The following ADGRB3 variants were observed in gnomAD, a reference collection of about 807,000 sequenced individuals.
ADGRB3 encodes the protein adhesion G protein-coupled receptor B3.
ADGRB3 carries 37 observed loss-of-function variants against 193.4 expected under a neutral mutation model. That is an observed-to-expected ratio of 0.19 (90% CI 0.15 to 0.25). The LOEUF (loss-of-function observed/expected upper bound fraction) is 0.25, where lower values mean the gene tolerates loss of function less well. ADGRB3 is among the 10% of genes least tolerant of loss of function. The pLI is 1.00. For synonymous variants in ADGRB3, 690 were observed against 644.2 expected (o/e 1.07, Z -1.08); for missense variants, 1,637 against 1,852.9 (o/e 0.88, Z 2.14).
chr6:69,312,804 C>T (rs535685746), intron 20 of ADGRB3, among the ~76,000 whole-genome samples: 2 of 151,750 alleles, frequency 1.3e-5, no homozygotes, highest in Non-Finnish European at 2.9e-5. Flanking sequence ...TTATAGATTA[C>T]ACACATGAAT....
At chr6:69,140,464 A>G (rs1400474730) in intron 17 of ADGRB3, among the ~76,000 whole-genome samples, 3 of 152,200 alleles carry the variant, frequency 2.0e-5, no homozygotes, top group African/African-American at 7.2e-5. Flanking sequence ...GGTAGAGAGT[A>G]GAATGATGAT....
intron 11 of ADGRB3, among the ~76,000 whole-genome samples, chr6:69,004,517 A>G (rs1334392208): frequency 1.3e-5 from 2 of 150,930 alleles, no homozygotes; most frequent in Non-Finnish European, 3.0e-5. Context: ...GCACCCATTA[A>G]CTAGTCATTT....
intron 10 of ADGRB3, among the ~76,000 whole-genome samples, chr6:68,985,920 C>T (rs1324027742): frequency 6.6e-6 from 1 of 152,214 alleles, no homozygotes; most frequent in Non-Finnish European, 1.5e-5. Context: ...TCTGTGGCCA[C>T]TATACTGTTT....
In ADGRB3 at chr6:69,056,716, G is replaced by GT. The variant is rs1404388329; in HGVS notation, c.2334-6217dup. Among the ~76,000 whole-genome samples the GT allele has an allele frequency of 4.6e-5, 7 of 152,148 alleles. No individual in the cohort carries two copies. The East Asian group carries it at 1.4e-3, about 29-fold the overall frequency. On this transcript the variant is annotated intron_variant, in intron 15 of 31. Transcript: ENST00000370598. ...GAAGAGATTATCCTTTTCTCATTGT[G>GT]TAGCCTTAGCACCCTTGTCGAGGAT...
chr6:68,787,739 C>T (rs968469321), intron 3 of ADGRB3, among the ~76,000 whole-genome samples: 2 of 152,160 alleles, frequency 1.3e-5, no homozygotes, highest in East Asian at 1.9e-4. Context: ...CTACCAGCTC[C>T]TATTTGTACC....
At chr6:69,131,431 A>T (rs764569361) in intron 17 of ADGRB3, among the ~76,000 whole-genome samples, 1 of 151,924 alleles carries the variant, frequency 6.6e-6, no homozygotes, top group Non-Finnish European at 1.5e-5. Flanking sequence ...ACCTATCTCA[A>T]GTTTTTGGGG....
chr6:69,031,299 G>T (rs956411685), intron 13 of ADGRB3, among the ~76,000 whole-genome samples: 20 of 151,496 alleles, frequency 1.3e-4, no homozygotes, highest in African/African-American at 4.8e-4. Flanking sequence ...ATTTAACCGG[G>T]CGCAGTGGTT....
At chr6:68,878,007 A>G (rs1319913567) in intron 3 of ADGRB3, among the ~76,000 whole-genome samples, 1 of 152,144 alleles carries the variant, frequency 6.6e-6, no homozygotes, top group Admixed American at 6.5e-5. Flanking sequence ...TTAATGGAAT[A>G]TGAGTGCTTA....
At chr6:69,074,306 T>C (rs191251330) in intron 16 of ADGRB3, among the ~76,000 whole-genome samples, 1 of 152,288 alleles carries the variant, frequency 6.6e-6, no homozygotes, top group African/African-American at 2.4e-5. Context: ...ACAGTAAGCT[T>C]ACTATTTATT....
At chr6:69,239,587 T>C (rs1435852920) in intron 20 of ADGRB3, among the ~76,000 whole-genome samples, 1 of 152,032 alleles carries the variant, frequency 6.6e-6, no homozygotes. Context: ...TTTGTTTTGG[T>C]CTAATTTATT....
At chr6:69,099,503 A>G (rs1346849867) in intron 17 of ADGRB3, among the ~76,000 whole-genome samples, 1 of 152,216 alleles carries the variant, frequency 6.6e-6, no homozygotes, top group African/African-American at 2.4e-5. Flanking sequence ...ATGCATGAGT[A>G]CAAAGTTTCT....
At chr6:68,655,050 A>G (rs1280179574) in intron 3 of ADGRB3, among the ~76,000 whole-genome samples, 1 of 151,408 alleles carries the variant, frequency 6.6e-6, no homozygotes, top group Non-Finnish European at 1.5e-5. Context: ...TAATAAATTA[A>G]CAGTCTCACA....
At chr6:68,923,191 T>C (rs761370003) in intron 3 of ADGRB3, among the ~76,000 whole-genome samples, 3 of 152,104 alleles carry the variant, frequency 2.0e-5, no homozygotes, top group Non-Finnish European at 4.4e-5. Flanking sequence ...AATATAGTGG[T>C]AGATAAATGG....
At chr6:68,689,139 A>G (rs1273238263) in intron 3 of ADGRB3, among the ~76,000 whole-genome samples, 1 of 152,174 alleles carries the variant, frequency 6.6e-6, no homozygotes, top group Non-Finnish European at 1.5e-5. Flanking sequence ...AGGAAAAGCA[A>G]CAGTGGGAAG....
rs898909297 is a variant in ADGRB3, at chr6:68,843,403, C to T, written c.758-87156C>T. 5.3e-5 allele frequency among the ~76,000 whole-genome samples: 8 copies of T among 151,748 alleles called. No individual in the cohort carries two copies. In the East Asian group the frequency reaches 1.4e-3, roughly 26 times the overall value. On this transcript the variant is annotated intron_variant, in intron 3 of 31. Coordinates refer to ENST00000370598, the MANE Select transcript of ADGRB3 (RefSeq NM_001704.3). Reference sequence around the variant, plus strand: ...AACAACAAACAATCTGAAAAAGAAACCAAACAGTAATTCCAGTTATAATAG... The same window carrying T: ...AACAACAAACAATCTGAAAAAGAAATCAAACAGTAATTCCAGTTATAATAG...
At chr6:69,116,523 A>T (rs1233355099) in intron 17 of ADGRB3, among the ~76,000 whole-genome samples, 4 of 152,188 alleles carry the variant, frequency 2.6e-5, no homozygotes, top group African/African-American at 9.6e-5. Flanking sequence ...GTGTGAAATA[A>T]AATTTTCTTT....
chr6:68,664,610 C>CA (rs995235303), intron 3 of ADGRB3, among the ~76,000 whole-genome samples: 3 of 151,766 alleles, frequency 2.0e-5, no homozygotes, highest in Non-Finnish European at 2.9e-5. Context: ...TATCAGCCAC[C>CA]AAGGCTATTG....
intron 3 of ADGRB3, among the ~76,000 whole-genome samples, chr6:68,777,158 G>A (rs1166606862): frequency 6.6e-6 from 1 of 152,080 alleles, no homozygotes; most frequent in African/African-American, 2.4e-5. Flanking sequence ...CTGTGTGCAA[G>A]GAATATAGAA....
At chr6:68,710,554 T>C (rs1765392627) in intron 3 of ADGRB3, among the ~76,000 whole-genome samples, 1 of 152,148 alleles carries the variant, frequency 6.6e-6, no homozygotes. Flanking sequence ...ACTATTTTCA[T>C]AATATTTCTA....
Sources: gnomAD v4.1 joint callset for allele counts (sites outside exome capture counted in the v4.1 genomes callset) on GRCh38, gnomAD v4.1.1 for gene constraint, MANE v1.5 for transcripts, NCBI Gene and HGNC (gene_info 2026-07-23, HGNC 2026-07-21) for gene names.